SLCO3A1: variants seen among roughly 807,000 people sequenced by gnomAD.
SLCO3A1 encodes the protein PGE1 transporter.
Under a neutral mutation model 63.1 loss-of-function variants are expected in SLCO3A1, and 27 were observed. The observed-to-expected ratio is 0.43, with a 90% CI of 0.32 to 0.59. The LOEUF is 0.59. Among genes scored for constraint, SLCO3A1 ranks in the 20% least tolerant of loss-of-function variants. SLCO3A1 has a pLI of 0.09. For missense variants in SLCO3A1, 773 were observed against 945.8 expected, an observed-to-expected ratio of 0.82 and a Z score of 2.40; for synonymous variants, 473 against 409.9, an observed-to-expected ratio of 1.15 and a Z score of -1.86.
At position 91,997,363 on chromosome 15, in the gene SLCO3A1, A is replaced by G. The variant is rs548710529; in HGVS notation, c.646+80905A>G. Reference sequence around the variant, plus strand: ...TGCTGAATGATGTCATAGATGACACAAACAAATGGAAAAACATCCCATGCT... The same window carrying G: ...TGCTGAATGATGTCATAGATGACACGAACAAATGGAAAAACATCCCATGCT... On this transcript the variant is annotated intron_variant, in intron 2 of 9. Coordinates refer to ENST00000318445, the MANE Select transcript of SLCO3A1 (RefSeq NM_013272.4). Among the ~76,000 whole-genome samples, 8 of 152,372 alleles carry G rather than the reference A, an allele frequency of 5.3e-5. No homozygotes were observed. The East Asian group carries it at 1.5e-3, about 29-fold the overall frequency.
At chr15:92,045,543 AAATAGCATTTTTAATACCTGTAT>A (rs2046850771) in intron 2 of SLCO3A1, among the ~76,000 whole-genome samples, 1 of 152,144 alleles carries the variant, frequency 6.6e-6, no homozygotes, top group Admixed American at 6.6e-5. Context: ...ATTTGTCTTA[AAATAGCATTTTTAATACCTGTAT>A]AATAGCCTTT....
At chr15:91,923,019 C>T (rs1898899579) in intron 2 of SLCO3A1, among the ~76,000 whole-genome samples, 1 of 152,182 alleles carries the variant, frequency 6.6e-6, no homozygotes, top group Non-Finnish European at 1.5e-5. Flanking sequence ...GCCTGGGTGA[C>T]CTTTGGACAA....
chr15:92,018,730 G>A (rs796826539), intron 2 of SLCO3A1, among the ~76,000 whole-genome samples: 65 of 152,278 alleles, frequency 4.3e-4, no homozygotes, highest in African/African-American at 1.5e-3. Flanking sequence ...GAGTGGGTGA[G>A]CATGGCATCA....
chr15:92,086,125 C>T (rs962924014), intron 2 of SLCO3A1, among the ~76,000 whole-genome samples: 3 of 152,196 alleles, frequency 2.0e-5, no homozygotes, highest in Admixed American at 6.5e-5. Flanking sequence ...TGCAGTCCGT[C>T]AGCACACTTG....
intron 1 of SLCO3A1, among the ~76,000 whole-genome samples, chr15:91,867,018 A>T (rs1897181923): frequency 6.6e-6 from 1 of 152,162 alleles, no homozygotes; most frequent in Non-Finnish European, 1.5e-5. Flanking sequence ...TGGAGGCAGC[A>T]TGTGATTGGA....
chr15:91,994,326 CT>C (rs199963311), intron 2 of SLCO3A1, among the ~76,000 whole-genome samples: 34 of 150,952 alleles, frequency 2.3e-4, no homozygotes, highest in South Asian at 4.2e-4. Context: ...AAAATTTTGT[CT>C]TTTTTTTTGT....
chr15:91,999,331 CAGA>C (rs2046226725), intron 2 of SLCO3A1, among the ~76,000 whole-genome samples: 2 of 152,026 alleles, frequency 1.3e-5, no homozygotes, highest in African/African-American at 4.8e-5. Flanking sequence ...CACATATGGA[CAGA>C]AGATTTGTGC....
intron 4 of SLCO3A1, 112 bp from the exon 5 acceptor site, chr15:92,120,353 T>G: frequency 8.9e-7 from 1 of 1,121,740 alleles, no homozygotes; most frequent in Non-Finnish European, 1.3e-6. Flanking sequence ...GGATGCTGTT[T>G]GCTGAAATGG....
At chr15:91,871,765 G>GTTTTTTTTTTTTTTTTTTTTTTTGTT (rs33938693) in intron 1 of SLCO3A1, among the ~76,000 whole-genome samples, 1 of 45,686 alleles carries the variant, frequency 2.2e-5, no homozygotes, top group Non-Finnish European at 3.8e-5. Context: ...TTTTTTTTTG[G>GTTTTTTTTTTTTTTTTTTTTTTTGTT]TTTTTTTTTT....
intron 4 of SLCO3A1, among the ~76,000 whole-genome samples, chr15:92,108,801 C>G (rs904723712): frequency 6.6e-6 from 1 of 152,128 alleles, no homozygotes; most frequent in Middle Eastern, 3.2e-3. Context: ...CTGGGCTGGA[C>G]TGTTTCTCAC....
chr15:91,971,838 A>T (rs12903803), intron 2 of SLCO3A1, among the ~76,000 whole-genome samples: 2 of 91,832 alleles, frequency 2.2e-5, no homozygotes, highest in South Asian at 4.5e-4. Context: ...GTGGCTCCGT[A>T]TTCAACAGTT....
In SLCO3A1 at chr15:91,862,480, A is replaced by G. The variant is rs550832651; in HGVS notation, c.180+8392A>G. On this transcript the variant is annotated intron_variant, in intron 1 of 9. Coordinates refer to ENST00000318445, the MANE Select transcript of SLCO3A1 (RefSeq NM_013272.4). This position sits in a 1 kb window ranked among gnomAD's most constrained non-coding sequence, Gnocchi z 4.0. ...GGGAACAGGCTGTGCCCATAAACCC[A>G]TCCCATAGGCAGTGATGGGACTACC... is the stretch of plus-strand genomic sequence containing the variant. Among the ~76,000 whole-genome samples the G allele has an allele frequency of 6.6e-6, 1 of 152,142 alleles. No individual in the cohort carries two copies. The highest frequency in any genetic ancestry group is 2.4e-5 in the African/African-American group (1 of 41,428).
chr15:91,919,449 A>T (rs1004211998), intron 2 of SLCO3A1, among the ~76,000 whole-genome samples: 2 of 152,196 alleles, frequency 1.3e-5, no homozygotes, highest in African/African-American at 4.8e-5. Flanking sequence ...CTGCGGCATC[A>T]TGCGGCACCC....
chr15:92,053,703 T>G (rs534370643), intron 2 of SLCO3A1, among the ~76,000 whole-genome samples: 4 of 151,152 alleles, frequency 2.6e-5, no homozygotes, highest in African/African-American at 9.7e-5. Context: ...TTTGTTTTTT[T>G]TTTTTTTACT....
At chr15:92,073,108 A>G (rs901836853) in intron 2 of SLCO3A1, among the ~76,000 whole-genome samples, 10 of 152,138 alleles carry the variant, frequency 6.6e-5, no homozygotes, top group African/African-American at 2.4e-4. Context: ...CCAGAGTTTT[A>G]GCAGAGAGAG....
intron 2 of SLCO3A1, among the ~76,000 whole-genome samples, chr15:92,064,607 A>G (rs2047126757): frequency 6.6e-6 from 1 of 152,240 alleles, no homozygotes. Context: ...CACGATAGCC[A>G]AGATATGAAA....
At chr15:92,085,955 A>C (rs1481340805) in intron 2 of SLCO3A1, among the ~76,000 whole-genome samples, 1 of 152,252 alleles carries the variant, frequency 6.6e-6, no homozygotes, top group Non-Finnish European at 1.5e-5. Context: ...ATGATCACCT[A>C]TAGATGATCT....
chr15:91,955,526 T>A (rs1252770549), intron 2 of SLCO3A1, among the ~76,000 whole-genome samples: 1 of 152,040 alleles, frequency 6.6e-6, no homozygotes, highest in East Asian at 1.9e-4. Context: ...AGAGATGGGG[T>A]TTCACTATGT....
chr15:92,163,745 T>G lies in SLCO3A1; in HGVS notation c.*610T>G, dbSNP rs2151605927. ...ACGACTCACCCAGTCTGCATGTGGT[T>G]CAAGGCCCCAGAGTTCTCTCAGTGA... On this transcript the variant is annotated 3_prime_UTR_variant, in exon 10 of 10. Coordinates refer to ENST00000318445, the MANE Select transcript of SLCO3A1 (RefSeq NM_013272.4). 1 of 985,316 alleles carries G rather than the reference T, an allele frequency of 1.0e-6. No individual in the cohort carries two copies. The highest frequency in any genetic ancestry group is 1.2e-6 in the Non-Finnish European group (1 of 829,980). The allele number at this position is 985,316 out of a possible 1,614,324, so 61.0% of individuals were successfully genotyped here. A position where few individuals can be genotyped will look rare whatever the true frequency, so the allele number is the denominator to read the frequency against.
Sources: gnomAD v4.1 joint callset for allele counts (sites outside exome capture counted in the v4.1 genomes callset) on GRCh38, gnomAD v4.1.1 for gene constraint, Gnocchi (gnomAD v3.1) non-coding constraint, MANE v1.5 for transcripts, NCBI Gene and HGNC (gene_info 2026-07-23, HGNC 2026-07-21) for gene names.